MID1: variants seen among roughly 807,000 people sequenced by gnomAD.
The protein encoded by MID1 is E3 ubiquitin-protein ligase Midline-1.
MID1 carries 7 observed loss-of-function variants against 40.4 expected under a neutral mutation model. The ratio of observed to expected loss-of-function variants is 0.17; its 90% CI spans 0.10 to 0.33. MID1 has a LOEUF of 0.33. Ranked by LOEUF, MID1 falls within the 10% of genes least tolerant of loss-of-function variation. The pLI, the probability that MID1 is intolerant of heterozygous loss-of-function variation, is 1.00. For missense variants in MID1, 367 were observed against 558.5 expected, an observed-to-expected ratio of 0.66 and a Z score of 3.46; for synonymous variants, 229 against 221.2, an observed-to-expected ratio of 1.04 and a Z score of -0.31.
chrX:10,555,811 A>G (rs988608052), intron 2 of MID1, among the ~76,000 whole-genome samples: 1 of 110,833 alleles, frequency 9.0e-6, no homozygotes, highest in South Asian at 3.9e-4. Context: ...ATAAATAGCA[A>G]AAGAGATATA....
At chrX:10,531,237 C>A (rs917665561) in intron 2 of MID1, among the ~76,000 whole-genome samples, 2 of 111,944 alleles carry the variant, frequency 1.8e-5, no homozygotes, top group African/African-American at 6.5e-5. Flanking sequence ...TTAACACATG[C>A]CACTTGTATA....
intron 1 of MID1, among the ~76,000 whole-genome samples, chrX:10,578,088 G>C (rs1027791277): frequency 4.4e-5 from 5 of 112,695 alleles, no homozygotes; most frequent in African/African-American, 1.6e-4. Flanking sequence ...TATTGCCATT[G>C]CAACACTTCA....
At chrX:10,482,752 G>A in intron 4 of MID1, 124 bp from the exon 5 acceptor site, 1 of 700,626 alleles carries the variant, frequency 1.4e-6, no homozygotes, top group Non-Finnish European at 2.2e-6. Context: ...AGTAGGCATA[G>A]AGATATATCA....
Position 10,447,235 on chromosome X carries a change from A to C in MID1, c.*2133T>G, listed in dbSNP as rs1294370186. The C allele has an allele frequency of 8.9e-6, 1 of 111,743 alleles. No individual in the cohort carries two copies. The highest frequency in any genetic ancestry group is 1.9e-5 in the Non-Finnish European group (1 of 53,181). 9.2% of individuals were successfully genotyped at this position (111,743 alleles called of 1,213,427 possible). On this transcript the variant is annotated 3_prime_UTR_variant, in exon 10 of 10. Transcript: ENST00000317552. ...AACATACCCTAAATGGCTTACTGTG[A>C]AAATTTGAGTAGTAACTTCTTAATA...
At position 10,795,844 on chromosome X, in the gene MID1, T is replaced by C. The variant is rs185393662; in HGVS notation, c.-187+37710A>G. Among the ~76,000 whole-genome samples the C allele has an allele frequency of 5.3e-5, 6 of 112,356 alleles. No individual in the cohort carries two copies. The Admixed American group carries it at 5.7e-4, about 11-fold the overall frequency. On this transcript the variant is annotated intron_variant, in intron 1 of 10. Transcript: ENST00000380785. ...AGGCCATTAATCAGCAAACAATCTA[T>C]AAAGACAACCTAAAAAAATGTGTTC... is the stretch of plus-strand genomic sequence containing the variant.
rs901590438 is a variant in MID1 at position 10,643,518 on chromosome X, G to A, written c.-186-23099C>T. On this transcript the variant is annotated intron_variant, in intron 1 of 10. Coordinates refer to the MID1 transcript ENST00000380785. ...ATCATTAAAAAGTCAGGAAACAACA[G>A]GTGCTGGAGAGCATGTGGAGAAATA... Among the ~76,000 whole-genome samples the A allele has an allele frequency of 4.6e-4, 51 of 111,968 alleles. 2 individuals are homozygous for A. The highest frequency in any genetic ancestry group is 6.6e-4 in the Non-Finnish European group (35 of 53,259).
chrX:10,562,239 G>C lies in MID1; in HGVS notation c.660+4649C>G, dbSNP rs187023851. On this transcript the variant is annotated intron_variant, in intron 2 of 9. Transcript: ENST00000317552. ...CTGTCAGGGTTGTGGGGCGAGCGGG[G>C]GAGAGCATTAGGACAAATACCTAAT... is the stretch of plus-strand genomic sequence containing the variant. Among the ~76,000 whole-genome samples, 275 of 103,490 alleles carry C rather than the reference G, an allele frequency of 2.7e-3. 38 individuals carry two copies. The highest frequency in any genetic ancestry group is 9.9e-3 in the African/African-American group (252 of 25,365). 89.9% of individuals were successfully genotyped at this position (103,490 alleles called of 115,157 possible). A position where few individuals can be genotyped will look rare whatever the true frequency, so the allele number is the denominator to read the frequency against.
At chrX:10,802,401 A>G (rs2044014414) in intron 1 of MID1, among the ~76,000 whole-genome samples, 1 of 111,722 alleles carries the variant, frequency 9.0e-6, no homozygotes, top group African/African-American at 3.3e-5. Context: ...GAAAAGAGAC[A>G]TACAAGCGGC....
In MID1 at chrX:10,567,568, T is replaced by C. The variant is rs1161050681; in HGVS notation, c.-21A>G. On this transcript the variant is annotated 5_prime_UTR_variant, in exon 2 of 10. Transcript: ENST00000317552. ...TCCATCTTCAGGCAAAGCTCTCTTG[T>C]GTCATCAGCAAAACCCAAGGAAGCT... 6 of 1,208,911 alleles carry C rather than the reference T, an allele frequency of 5.0e-6. No homozygotes were observed. Among genetic ancestry groups the C allele is most frequent in the Non-Finnish European group, 6.7e-6 (6 of 894,455 alleles).
At chrX:10,580,769 T>C (rs180867852) in intron 1 of MID1, among the ~76,000 whole-genome samples, 66 of 109,663 alleles carry the variant, frequency 6.0e-4, no homozygotes, top group African/African-American at 2.1e-3. Context: ...GTCCTTTCTA[T>C]TGTCAGATGA....
intron 1 of MID1, among the ~76,000 whole-genome samples, chrX:10,779,103 C>T (rs1395946679): frequency 8.9e-6 from 1 of 112,345 alleles, no homozygotes; most frequent in Non-Finnish European, 1.9e-5. Flanking sequence ...GGGGTCACAC[C>T]CTGGAAAACA....
rs1264429780 is a variant in MID1 at position 10,632,242 on chromosome X, T to TA, written c.-186-11824dup. Among the ~76,000 whole-genome samples the TA allele has an allele frequency of 2.7e-5, 3 of 111,859 alleles. No individual in the cohort carries two copies. In the Admixed American group the frequency reaches 2.8e-4, roughly 11 times the overall value. ...TGTACTATTCTAACCCTCATATGTC[T>TA]AAAAAAACAAACGTAAATGAGCTGT... On this transcript the variant is annotated intron_variant, in intron 1 of 10. Coordinates refer to the MID1 transcript ENST00000380785.
At chrX:10,712,367 T>C (rs1014262076) in intron 1 of MID1, among the ~76,000 whole-genome samples, 1 of 110,810 alleles carries the variant, frequency 9.0e-6, no homozygotes, top group Non-Finnish European at 1.9e-5. Context: ...GGCAAAATGG[T>C]GGAGTTTAAT....
intron 2 of MID1, among the ~76,000 whole-genome samples, chrX:10,561,099 C>G (rs889222941): frequency 3.8e-5 from 4 of 105,691 alleles, no homozygotes; most frequent in African/African-American, 7.6e-5. Context: ...ACAAACCTGA[C>G]AAAAACAAGC....
At chrX:10,650,357 G>A (rs973588869) in intron 1 of MID1, among the ~76,000 whole-genome samples, 3 of 108,578 alleles carry the variant, frequency 2.8e-5, no homozygotes, top group East Asian at 2.9e-4. Flanking sequence ...CTCCCTCCCC[G>A]CAACTTGCCC....
intron 1 of MID1, among the ~76,000 whole-genome samples, chrX:10,571,900 G>T (rs1042307457): frequency 9.1e-6 from 1 of 109,368 alleles, no homozygotes; most frequent in Non-Finnish European, 1.9e-5. Context: ...AAAAAAAAAT[G>T]AACAAGGTGT....
Position 10,559,747 on chromosome X carries a change from T to C in MID1, c.660+7141A>G, listed in dbSNP as rs144095410. The stretch of plus-strand genomic sequence containing the variant: ...CACCATCAACAGAGAAAGTATTTAG[T>C]AGCTGTTGGAATGCCCTACTAGACT... On this transcript the variant is annotated intron_variant, in intron 2 of 9. Transcript: ENST00000317552. 7.4e-3 allele frequency among the ~76,000 whole-genome samples: 822 copies of C among 111,836 alleles called. 9 individuals carry two copies. The highest frequency in any genetic ancestry group is 0.027 in the South Asian group (71 of 2,625).
intron 1 of MID1, among the ~76,000 whole-genome samples, chrX:10,735,203 A>G (rs2043479486): frequency 8.9e-6 from 1 of 112,381 alleles, no homozygotes; most frequent in Non-Finnish European, 1.9e-5. Context: ...CTCGGGTTCA[A>G]GCAATTTTCC....
intron 1 of MID1, among the ~76,000 whole-genome samples, chrX:10,619,684 C>T (rs1935900843): frequency 8.9e-6 from 1 of 112,496 alleles, no homozygotes; most frequent in African/African-American, 3.2e-5. Context: ...AGTAATCCCC[C>T]AGCCCTTTCT....
Sources: allele counts gnomAD v4.1 joint callset (sites outside exome capture counted in the v4.1 genomes callset), GRCh38; gene constraint gnomAD v4.1.1; transcripts MANE v1.5; gene names NCBI Gene and HGNC (gene_info 2026-07-23, HGNC 2026-07-21).